The following GOLGB1 variants were observed in gnomAD, a reference collection of about 807,000 sequenced individuals.
GOLGB1 encodes golgin B1.
A neutral mutation model predicts 336.9 loss-of-function variants in GOLGB1; 174 were observed. The observed-to-expected ratio is 0.52, with a 90% CI of 0.46 to 0.59. The LOEUF (loss-of-function observed/expected upper bound fraction) is 0.59, where lower values mean the gene tolerates loss of function less well. Ranked by LOEUF, GOLGB1 falls within the 20% of genes least tolerant of loss-of-function variation. The pLI is 0.00. For missense variants in GOLGB1, 3,331 were observed against 3,645.3 expected (o/e 0.91, Z 2.22); for synonymous variants, 1,208 against 1,289.2 (o/e 0.94, Z 1.35).
At chr3:121,739,439 A>G (rs1164208450) in intron 1 of GOLGB1, among the ~76,000 whole-genome samples, 2 of 152,186 alleles carry the variant, frequency 1.3e-5, no homozygotes, top group Admixed American at 1.3e-4. Context: ...GAAGGAACTA[A>G]AAGGCATTAA....
chr3:121,744,618 CAAAAA>C (rs200070177), intron 1 of GOLGB1, among the ~76,000 whole-genome samples: 1 of 59,964 alleles, frequency 1.7e-5, no homozygotes. Context: ...GACCTTGTCT[CAAAAA>C]AAAAAAAAAA....
At chr3:121,730,065 C>A in intron 2 of GOLGB1, 48 bp from the exon 3 acceptor site, 1 of 1,362,722 alleles carries the variant, frequency 7.3e-7, no homozygotes, top group South Asian at 1.2e-5. Flanking sequence ...AAGGTATTAG[C>A]TTCCCAACAG....
intron 15 of GOLGB1, among the ~76,000 whole-genome samples, chr3:121,680,232 A>C (rs555396162): frequency 1.4e-4 from 22 of 152,334 alleles, no homozygotes; most frequent in African/African-American, 5.3e-4. Context: ...GTGTCAGTGA[A>C]GCCTGCTAAC....
intron 1 of GOLGB1, among the ~76,000 whole-genome samples, chr3:121,743,983 T>C (rs1947063745): frequency 6.6e-6 from 1 of 152,220 alleles, no homozygotes; most frequent in Non-Finnish European, 1.5e-5. Context: ...TCATTAATTA[T>C]TATGAAATCC....
In GOLGB1 at chr3:121,718,251, G is replaced by A. The variant is rs1944923508; in HGVS notation, c.885+137C>T. On this transcript the variant is annotated intron_variant, in intron 8 of 21. Coordinates refer to ENST00000614479, the MANE Select transcript of GOLGB1 (RefSeq NM_001366282.2). ...TACTGCATCCCCACCACTTAAGTAC[G>A]AGGTATTTGTTGAAAGAATGAATAA... 14 of 614,008 alleles carry A rather than the reference G, an allele frequency of 2.3e-5. 1 individual carries two copies. Among genetic ancestry groups the A allele is most frequent in the South Asian group, 1.4e-4 (7 of 49,734 alleles). 38.0% of individuals were successfully genotyped at this position (614,008 alleles called of 1,614,324 possible).
At chr3:121,672,032 T>C (rs141157132) in intron 17 of GOLGB1, among the ~76,000 whole-genome samples, 2,845 of 152,352 alleles carry the variant, frequency 0.019, 293 homozygotes, top group Admixed American at 0.17. Context: ...ATTCTTAATC[T>C]ATTCATCTGT....
At chr3:121,715,890 G>A (rs1339016680) in intron 9 of GOLGB1, among the ~76,000 whole-genome samples, 1 of 151,952 alleles carries the variant, frequency 6.6e-6, no homozygotes. Flanking sequence ...TACTTGGGAG[G>A]CTGAGGCAGG....
rs374252280 is a variant in GOLGB1 at position 121,692,247 on chromosome 3, C to G, written c.7117G>C (p.Glu2373Gln). ...QLETDLQASRELTSRLHEEIN... is the reference protein window; with the variant it reads ...QLETDLQASRQLTSRLHEEIN... ...TCTTCATGCAGCCTACTGGTCAGTT[C>G]TCTGGAGGCCTGAAGATCAGTCTCC... Residue 2373 changes from glutamate to glutamine, a missense_variant, in exon 14 of 22, where the codon GAA becomes CAA. By Grantham distance (29) the Glu-to-Gln change is conservative. Coordinates refer to ENST00000614479, the MANE Select transcript of GOLGB1 (RefSeq NM_001366282.2). 9.4e-6 allele frequency: 15 copies of G among 1,602,616 alleles called. No individual in the cohort carries two copies. Among genetic ancestry groups the G allele is most frequent in the African/African-American group, 1.4e-5 (1 of 73,884 alleles).
chr3:121,671,877 C>T (rs1444582982), intron 17 of GOLGB1, among the ~76,000 whole-genome samples: 1 of 151,362 alleles, frequency 6.6e-6, no homozygotes, highest in Non-Finnish European at 1.5e-5. Flanking sequence ...TTTGCTCCCA[C>T]ACGAGTGAGA....
At chr3:121,736,007 G>C (rs1946444430) in intron 1 of GOLGB1, among the ~76,000 whole-genome samples, 1 of 152,054 alleles carries the variant, frequency 6.6e-6, no homozygotes, top group South Asian at 2.1e-4. Flanking sequence ...ATCTGAAGGA[G>C]CTCCCAATGA....
At chr3:121,687,477 T>C (rs968720331) in intron 14 of GOLGB1, among the ~76,000 whole-genome samples, 3 of 152,176 alleles carry the variant, frequency 2.0e-5, no homozygotes, top group Non-Finnish European at 4.4e-5. Flanking sequence ...GGGTAAAGTG[T>C]TAGAGCTTAT....
intron 1 of GOLGB1, among the ~76,000 whole-genome samples, chr3:121,742,506 T>TA (rs1189300136): frequency 2.6e-5 from 4 of 151,948 alleles, no homozygotes; most frequent in Non-Finnish European, 5.9e-5. Context: ...CCTAAAACCA[T>TA]AAAAAACCCT....
Position 121,699,864 on chromosome 3 carries a change from G to A in GOLGB1, c.1541C>T (p.Thr514Ile). 6.2e-7 allele frequency: 1 copy of A among 1,600,744 alleles called. No homozygotes were observed. The highest frequency in any genetic ancestry group is 8.5e-7 in the Non-Finnish European group (1 of 1,169,776). ...AENEKLSSQI[T>I]LLEAQNRTGE... ...AGTTCTATTCTGAGCCTCTAGGAGA[G>A]TAATCTGAGAAGACAGTTTTTCTGA... Residue 514 changes from threonine to isoleucine, a missense_variant, in exon 12 of 22, where the codon ACT (threonine) becomes ATT (isoleucine). Physicochemically the swap from Thr to Ile is moderately conservative, Grantham distance 89 (BLOSUM62 -1). Transcript: ENST00000614479.
At chr3:121,745,769 A>AT (rs1947243982) in intron 1 of GOLGB1, among the ~76,000 whole-genome samples, 1 of 152,198 alleles carries the variant, frequency 6.6e-6, no homozygotes, top group Non-Finnish European at 1.5e-5. Flanking sequence ...ACTAAGGCAA[A>AT]TAAAACAATT....
At position 121,664,917 on chromosome 3, in the gene GOLGB1, T is replaced by C; in HGVS notation, c.9660+9A>G. 1 of 1,505,842 alleles carries C rather than the reference T, an allele frequency of 6.6e-7. No individual in the cohort carries two copies. Among genetic ancestry groups the C allele is most frequent in the African/African-American group, 1.4e-5 (1 of 72,908 alleles). The allele number at this position is 1,505,842 out of a possible 1,614,324, so 93.3% of individuals were successfully genotyped here. On this transcript the variant is annotated intron_variant, in intron 21 of 21. Transcript: ENST00000614479. ...TAAAACACCCTCTCTTTATCCTTCT[T>C]CCTCTTACCCTTCGACAACTGTTGC... is the stretch of plus-strand genomic sequence containing the variant.
intron 14 of GOLGB1, among the ~76,000 whole-genome samples, chr3:121,688,579 C>T (rs1942032245): frequency 1.3e-5 from 2 of 152,190 alleles, no homozygotes; most frequent in South Asian, 4.1e-4. Context: ...CCCAAAGTGC[C>T]GAGAGTGCAG....
At chr3:121,718,331 A>G (rs1944927806) in intron 8 of GOLGB1, 57 bp downstream of exon 8, 2 of 1,117,270 alleles carry the variant, frequency 1.8e-6, no homozygotes, top group Admixed American at 4.0e-5. Flanking sequence ...CTGCCTGGCA[A>G]ACGAAAGTGG....
In GOLGB1 at chr3:121,698,300, G is replaced by A; in HGVS notation, c.2223C>T (p.Ser741=). 4 of 1,613,976 alleles carry A rather than the reference G, an allele frequency of 2.5e-6. No homozygotes were observed. The highest frequency in any genetic ancestry group is 2.5e-6 in the Non-Finnish European group (3 of 1,179,890). Residue 741 remains serine, a synonymous_variant, in exon 13 of 22, where the codon AGC becomes AGT. Coordinates refer to ENST00000614479, the MANE Select transcript of GOLGB1 (RefSeq NM_001366282.2). The part of the protein sequence containing the change: ...EEFKKNADNN[S]SAFTALSEER... ...CTTCAGACAAAGCAGTGAATGCACTGCTGTTGTTGTCAGCATTTTTCTTAA... is the reference window on the plus strand; with the variant it reads ...CTTCAGACAAAGCAGTGAATGCACTACTGTTGTTGTCAGCATTTTTCTTAA...
chr3:121,748,662 T>G (rs1332241182), intron 1 of GOLGB1: 1 of 199,944 alleles, frequency 5.0e-6, no homozygotes, highest in African/African-American at 2.4e-5. Flanking sequence ...TTCACGCTTT[T>G]GGAAAGGCCT....
Sources: gnomAD v4.1 joint callset for allele counts (sites outside exome capture counted in the v4.1 genomes callset) on GRCh38, gnomAD v4.1.1 for gene constraint, MANE v1.5 for transcripts, NCBI Gene and HGNC (gene_info 2026-07-23, HGNC 2026-07-21) for gene names.